The following H2BN1 variants were observed in gnomAD, a reference collection of about 807,000 sequenced individuals.
H2BN1 encodes histone H2B.N.
the H2BN1 span, among the ~76,000 whole-genome samples, chr17:32,896,047 G>A: frequency 1.4e-5 from 2 of 139,316 alleles, no homozygotes; most frequent in Non-Finnish European, 3.1e-5. Flanking sequence ...ATAAGCCCAC[G>A]CCACCATGCC....
the H2BN1 span, among the ~76,000 whole-genome samples, chr17:32,898,464 CTT>C: frequency 6.6e-6 from 1 of 152,190 alleles, no homozygotes; most frequent in Non-Finnish European, 1.5e-5. Flanking sequence ...AGAGCAGTGA[CTT>C]TGAATAGAAT....
chr17:32,903,194 T>C, the H2BN1 span, among the ~76,000 whole-genome samples: 1 of 151,312 alleles, frequency 6.6e-6, no homozygotes, highest in Non-Finnish European at 1.5e-5. Flanking sequence ...TGAAATATTA[T>C]ATATATATTA....
the H2BN1 span, among the ~76,000 whole-genome samples, chr17:32,897,976 T>C: frequency 6.6e-6 from 1 of 152,168 alleles, no homozygotes; most frequent in Non-Finnish European, 1.5e-5. Flanking sequence ...AAAAACCAAG[T>C]CACAAAGGTT....
At chr17:32,899,877 A>G in the H2BN1 span, among the ~76,000 whole-genome samples, 1 of 152,362 alleles carries the variant, frequency 6.6e-6, no homozygotes, top group East Asian at 1.9e-4. Flanking sequence ...CACTATTTAT[A>G]AACATTTCCG....
chr17:32,901,213 A>T, the H2BN1 span, among the ~76,000 whole-genome samples: 41 of 152,168 alleles, frequency 2.7e-4, no homozygotes, highest in African/African-American at 9.6e-4. Flanking sequence ...TGTCAAAAAA[A>T]ATTTTTTTTT....
the H2BN1 span, among the ~76,000 whole-genome samples, chr17:32,896,585 C>T: frequency 6.6e-6 from 1 of 152,114 alleles, no homozygotes; most frequent in African/African-American, 2.4e-5. Flanking sequence ...CATCTAGAAT[C>T]TGTTGCTTAT....
chr17:32,899,333 C>A, the H2BN1 span, among the ~76,000 whole-genome samples: 1 of 152,250 alleles, frequency 6.6e-6, no homozygotes, highest in East Asian at 1.9e-4. Flanking sequence ...CATCAAATAC[C>A]TATGAGTTGA....
At chr17:32,905,205 C>T in the H2BN1 span, among the ~76,000 whole-genome samples, 1 of 152,188 alleles carries the variant, frequency 6.6e-6, no homozygotes, top group Non-Finnish European at 1.5e-5. Flanking sequence ...GAAATCTTGC[C>T]TTCCTTGTTG....
At chr17:32,904,059 G>A in the H2BN1 span, among the ~76,000 whole-genome samples, 1 of 152,176 alleles carries the variant, frequency 6.6e-6, no homozygotes, top group Non-Finnish European at 1.5e-5. Flanking sequence ...GTGTTTCCTG[G>A]ATGAGTCTTT....
the H2BN1 span, among the ~76,000 whole-genome samples, chr17:32,903,159 G>C: frequency 4.0e-5 from 6 of 151,322 alleles, no homozygotes; most frequent in African/African-American, 1.5e-4. Context: ...AAGCCAATTA[G>C]AGTTCTTTTA....
chr17:32,901,033 C>A, the H2BN1 span, among the ~76,000 whole-genome samples: 1 of 151,932 alleles, frequency 6.6e-6, no homozygotes, highest in East Asian at 1.9e-4. Context: ...CATGGTGAAA[C>A]CCTGTCTCTA....
At chr17:32,896,448 G>T in the H2BN1 span, among the ~76,000 whole-genome samples, 2 of 152,110 alleles carry the variant, frequency 1.3e-5, no homozygotes, top group Non-Finnish European at 2.9e-5. Flanking sequence ...CCCCTCAAAA[G>T]CTGGGAAGAT....
the H2BN1 span, among the ~76,000 whole-genome samples, chr17:32,897,593 C>T: frequency 2.6e-5 from 4 of 152,056 alleles, no homozygotes; most frequent in African/African-American, 7.2e-5. Context: ...GCAGAGAGTG[C>T]CAATGTTCTC....
chr17:32,904,264 C>T, the H2BN1 span, among the ~76,000 whole-genome samples: 1 of 152,164 alleles, frequency 6.6e-6, no homozygotes, highest in Non-Finnish European at 1.5e-5. Flanking sequence ...TTCAGTTCCT[C>T]ATGTAAATGT....
At chr17:32,904,066 C>CT in the H2BN1 span, among the ~76,000 whole-genome samples, 3 of 152,086 alleles carry the variant, frequency 2.0e-5, no homozygotes, top group South Asian at 4.2e-4. Context: ...CTGGATGAGT[C>CT]TTTTTTTTAA....
chr17:32,896,857 G>A, the H2BN1 span, among the ~76,000 whole-genome samples: 698 of 152,254 alleles, frequency 4.6e-3, 9 homozygotes, highest in African/African-American at 0.015. Flanking sequence ...AATGTCCTCT[G>A]GAGGGCAAGA....
chr17:32,906,364 G>A, the H2BN1 span: 1 of 152,196 alleles, frequency 6.6e-6, no homozygotes, highest in Non-Finnish European at 1.5e-5. Context: ...CTTCTCAGAA[G>A]AGCTTTTGAA....
the H2BN1 span, among the ~76,000 whole-genome samples, chr17:32,896,966 C>T: frequency 6.6e-6 from 1 of 152,216 alleles, no homozygotes; most frequent in Non-Finnish European, 1.5e-5. Flanking sequence ...ATTCCCTGGA[C>T]ATTCTCCTCT....
the H2BN1 span, among the ~76,000 whole-genome samples, chr17:32,895,500 A>G: frequency 7.2e-5 from 11 of 152,340 alleles, no homozygotes; most frequent in South Asian, 2.1e-4. Context: ...TTCCCAGTCA[A>G]AAAGAAGCAT....
Sources: allele counts gnomAD v4.1 joint callset (sites outside exome capture counted in the v4.1 genomes callset), GRCh38; gene constraint gnomAD v4.1.1; transcripts MANE v1.5; gene names NCBI Gene and HGNC (gene_info 2026-07-23, HGNC 2026-07-21).